STPG4: variants seen among roughly 807,000 people sequenced by gnomAD.
The protein encoded by STPG4 is sperm-tail PG-rich repeat containing 4.
A neutral mutation model predicts 31.5 loss-of-function variants in STPG4; 41 were observed. The ratio of observed to expected loss-of-function variants is 1.30; its 90% CI spans 1.01 to 1.69. The LOEUF is 1.69. Ranked by LOEUF, STPG4 falls within the 40% of genes most tolerant of loss-of-function variation. STPG4 has a pLI of 0.00. For synonymous variants in STPG4, 141 were observed against 103.0 expected, an observed-to-expected ratio of 1.37 and a Z score of -2.24; for missense variants, 375 against 293.4, an observed-to-expected ratio of 1.28 and a Z score of -2.03.
intron 5 of STPG4, chr2:47,129,072 T>C (rs1041510863): frequency 4.6e-5 from 7 of 152,260 alleles, no homozygotes; most frequent in African/African-American, 1.7e-4. Flanking sequence ...CTAGAAATGT[T>C]GTCTGGGAGC....
intron 3 of STPG4, among the ~76,000 whole-genome samples, chr2:47,136,951 C>T (rs891812375): frequency 2.6e-5 from 4 of 152,138 alleles, no homozygotes; most frequent in Non-Finnish European, 5.9e-5. Flanking sequence ...AGTTCTTTTT[C>T]TTCCTTCCCA....
intron 3 of STPG4, among the ~76,000 whole-genome samples, chr2:47,135,315 AT>A (rs1453087230): frequency 6.6e-6 from 1 of 152,144 alleles, no homozygotes; most frequent in Non-Finnish European, 1.5e-5. Context: ...TGCTTTTTAC[AT>A]TTAAGTTTTG....
chr2:47,087,169 G>A (rs1685474157), intron 6 of STPG4, 39 bp from the exon 7 acceptor site: 2 of 1,548,306 alleles, frequency 1.3e-6, no homozygotes, highest in South Asian at 2.4e-5. Flanking sequence ...ATGAGACAGT[G>A]AAACCAAAAC....
chr2:47,127,835 C>T (rs1035301467), intron 5 of STPG4, among the ~76,000 whole-genome samples: 1 of 152,078 alleles, frequency 6.6e-6, no homozygotes, highest in African/African-American at 2.4e-5. Flanking sequence ...ATTGATCACT[C>T]GTGCTTTATT....
chr2:47,130,168 G>A (rs371616248), intron 4 of STPG4, 28 bp downstream of exon 4: 163 of 1,594,656 alleles, frequency 1.0e-4, no homozygotes, highest in Middle Eastern at 8.3e-4. Context: ...AAACAGAAAG[G>A]CAGCTTATTT....
intron 5 of STPG4, among the ~76,000 whole-genome samples, chr2:47,094,761 T>C (rs558947594): frequency 1.3e-5 from 2 of 152,266 alleles, no homozygotes; most frequent in East Asian, 3.9e-4. Flanking sequence ...GGCCAGGAGC[T>C]TTCATCTTGC....
intron 6 of STPG4, among the ~76,000 whole-genome samples, chr2:47,089,603 T>G (rs59558877): frequency 6.6e-6 from 1 of 152,138 alleles, no homozygotes; most frequent in East Asian, 1.9e-4. Flanking sequence ...TCAGACCGTA[T>G]TGCAGACTGA....
intron 5 of STPG4, among the ~76,000 whole-genome samples, chr2:47,107,301 G>T (rs1028909503): frequency 1.3e-5 from 2 of 152,112 alleles, no homozygotes; most frequent in African/African-American, 4.8e-5. Flanking sequence ...AGTGGGAACC[G>T]GGGCTGCGCG....
At chr2:47,099,456 T>C (rs1558670982) in intron 5 of STPG4, among the ~76,000 whole-genome samples, 2 of 152,236 alleles carry the variant, frequency 1.3e-5, no homozygotes, top group Admixed American at 6.5e-5. Flanking sequence ...GATGCTTTGC[T>C]AACAGTAGGA....
At position 47,121,457 on chromosome 2, in the gene STPG4, G is replaced by T. The variant is rs541831768; in HGVS notation, c.519+8484C>A. On this transcript the variant is annotated intron_variant, in intron 5 of 6. Coordinates refer to ENST00000445927, the MANE Select transcript of STPG4 (RefSeq NM_001163561.2). ...AGGCAGGAAGCTGATGAGTCGTTTTGAATCAACTGACATATCCTAGAAAAA... is the reference window on the plus strand; with the variant it reads ...AGGCAGGAAGCTGATGAGTCGTTTTTAATCAACTGACATATCCTAGAAAAA... Among the ~76,000 whole-genome samples the T allele has an allele frequency of 2.0e-5, 3 of 152,212 alleles. No individual in the cohort carries two copies. The South Asian group carries it at 6.2e-4, about 32-fold the overall frequency.
chr2:47,099,564 G>T (rs966781306), intron 5 of STPG4, among the ~76,000 whole-genome samples: 3 of 152,266 alleles, frequency 2.0e-5, no homozygotes, highest in Non-Finnish European at 4.4e-5. Flanking sequence ...AGGTGACAGC[G>T]TGCTGGCAGT....
intron 5 of STPG4, among the ~76,000 whole-genome samples, chr2:47,120,790 G>T (rs1373150910): frequency 6.6e-6 from 1 of 151,990 alleles, no homozygotes; most frequent in East Asian, 1.9e-4. Flanking sequence ...CTATCAATAG[G>T]TATCTGAAAA....
chr2:47,100,005 G>A (rs899440229), intron 5 of STPG4, among the ~76,000 whole-genome samples: 2 of 152,120 alleles, frequency 1.3e-5, no homozygotes, highest in South Asian at 2.1e-4. Flanking sequence ...CACCATGCCT[G>A]AGCCTCCCAC....
intron 3 of STPG4, among the ~76,000 whole-genome samples, chr2:47,146,732 G>A (rs969886850): frequency 5.9e-5 from 9 of 152,190 alleles, no homozygotes; most frequent in African/African-American, 2.2e-4. Flanking sequence ...GCAGAGGTCT[G>A]AGTGCTTGGG....
At chr2:47,087,275 C>T (rs1410308522) in intron 6 of STPG4, 145 bp from the exon 7 acceptor site, 10 of 880,482 alleles carry the variant, frequency 1.1e-5, no homozygotes, top group African/African-American at 1.7e-5. Flanking sequence ...TGAAGCCTGG[C>T]AGACCCTCGA....
In STPG4 at chr2:47,116,451, A is replaced by G. The variant is rs549496864; in HGVS notation, c.519+13490T>C. Among the ~76,000 whole-genome samples, 2 of 152,308 alleles carry G rather than the reference A, an allele frequency of 1.3e-5. 1 individual carries two copies. Among genetic ancestry groups the G allele is most frequent in the African/African-American group, 4.8e-5 (2 of 41,570 alleles). The stretch of plus-strand genomic sequence containing the variant: ...GACTTACGTATTTTACTAGTTAAAC[A>G]TCTGTGAAAATTCCCAACATAGCAA... On this transcript the variant is annotated intron_variant, in intron 5 of 6. Coordinates refer to ENST00000445927, the MANE Select transcript of STPG4 (RefSeq NM_001163561.2).
At chr2:47,092,080 A>G (rs1251558194) in intron 5 of STPG4, among the ~76,000 whole-genome samples, 1 of 121,462 alleles carries the variant, frequency 8.2e-6, no homozygotes, top group African/African-American at 3.1e-5. Flanking sequence ...CATAAACAGT[A>G]GTTTTCTTGG....
intron 3 of STPG4, among the ~76,000 whole-genome samples, chr2:47,145,956 C>T (rs557921862): frequency 2.0e-5 from 3 of 152,144 alleles, no homozygotes; most frequent in Non-Finnish European, 1.5e-5. Context: ...GACACTTGAA[C>T]AAAGACTTGA....
At chr2:47,101,476 G>T (rs1203328026) in intron 5 of STPG4, among the ~76,000 whole-genome samples, 1 of 151,662 alleles carries the variant, frequency 6.6e-6, no homozygotes, top group Non-Finnish European at 1.5e-5. Flanking sequence ...GGGTCCTAAG[G>T]CCTGCCACAC....
Sources: gnomAD v4.1 joint callset for allele counts (sites outside exome capture counted in the v4.1 genomes callset) on GRCh38, gnomAD v4.1.1 for gene constraint, MANE v1.5 for transcripts, NCBI Gene and HGNC (gene_info 2026-07-23, HGNC 2026-07-21) for gene names.